CRB1: variants seen among roughly 807,000 people sequenced by gnomAD.
CRB1 encodes the protein crumbs cell polarity complex component 1, also known as protein crumbs homolog 1.
CRB1 carries 83 observed loss-of-function variants against 120.0 expected under a neutral mutation model. The observed-to-expected ratio is 0.69, with a 90% confidence interval of 0.58 to 0.83. The LOEUF (loss-of-function observed/expected upper bound fraction) is 0.83, where lower values mean the gene tolerates loss of function less well. CRB1 is among the 40% of genes least tolerant of loss of function. The pLI is 0.00. For missense variants in CRB1, 1,699 were observed against 1,687.6 expected (o/e 1.01, Z -0.12); for synonymous variants, 625 against 612.5 (o/e 1.02, Z -0.30).
chr1:197,395,398 C>G (rs965231313), intron 5 of CRB1, among the ~76,000 whole-genome samples: 5 of 152,180 alleles, frequency 3.3e-5, no homozygotes, highest in African/African-American at 1.2e-4. Context: ...AGAAATGTTC[C>G]CACCTTAGGT....
At chr1:197,327,540 C>A (rs1222886654) in intron 1 of CRB1, among the ~76,000 whole-genome samples, 2 of 151,914 alleles carry the variant, frequency 1.3e-5, no homozygotes, top group East Asian at 1.9e-4. Flanking sequence ...CAGATGCATA[C>A]ACACACACAC....
chr1:197,348,295 T>G (rs1044338024), intron 4 of CRB1, among the ~76,000 whole-genome samples: 1 of 152,170 alleles, frequency 6.6e-6, no homozygotes, highest in Non-Finnish European at 1.5e-5. Flanking sequence ...ATGTGTGTTA[T>G]TGTTGCTGAA....
chr1:197,441,292 G>C (rs1236398903), intron 10 of CRB1: 1 of 152,182 alleles, frequency 6.6e-6, no homozygotes, highest in Non-Finnish European at 1.5e-5. Flanking sequence ...TTGTCACATA[G>C]TATGTGTTAA....
intron 1 of CRB1, among the ~76,000 whole-genome samples, chr1:197,304,923 G>A (rs1192055642): frequency 6.6e-6 from 1 of 152,174 alleles, no homozygotes; most frequent in Non-Finnish European, 1.5e-5. Context: ...TTGGATCATA[G>A]CTATGACCTT....
At chr1:197,442,336 A>G (rs41313928) in intron 11 of CRB1, 44 bp downstream of exon 11, 739 of 1,613,808 alleles carry the variant, frequency 4.6e-4, no homozygotes, top group Non-Finnish European at 6.0e-4. Context: ...TTCTGGCAGA[A>G]TCTTTTTCAG....
intron 5 of CRB1, chr1:197,358,079 A>G (rs1332493152): frequency 6.6e-6 from 1 of 152,188 alleles, no homozygotes. Context: ...GTAATATATA[A>G]TATTTCCCAA....
In CRB1 at chr1:197,273,452, C is replaced by T. The variant is rs922448797; in HGVS notation, c.70+4970C>T. ...GTTATGTCTTTTATTCTTCTCCATA[C>T]TGTACTCTTAGAAAAGGAAGTCACT... On this transcript the variant is annotated intron_variant, in intron 1 of 11. Coordinates refer to ENST00000367400, the MANE Select transcript of CRB1 (RefSeq NM_201253.3). Among the ~76,000 whole-genome samples, 4 of 152,070 alleles carry T rather than the reference C, an allele frequency of 2.6e-5. No individual in the cohort carries two copies. The South Asian group carries it at 6.2e-4, about 24-fold the overall frequency.
chr1:197,429,216 G>C (rs1664751467), intron 7 of CRB1: 2 of 1,483,934 alleles, frequency 1.3e-6, no homozygotes, highest in Admixed American at 2.2e-5. Flanking sequence ...TTGTGCTATG[G>C]ATCAATTTTA....
chr1:197,358,235 A>C (rs1037776439), intron 5 of CRB1: 2 of 152,184 alleles, frequency 1.3e-5, no homozygotes, highest in African/African-American at 4.8e-5. Flanking sequence ...ATTTGTTTCT[A>C]AATTATTTGA....
At chr1:197,376,718 C>A (rs1661666588) in intron 5 of CRB1, among the ~76,000 whole-genome samples, 1 of 152,164 alleles carries the variant, frequency 6.6e-6, no homozygotes, top group Non-Finnish European at 1.5e-5. Context: ...CCATTCTTGA[C>A]TTTCTAAATC....
chr1:197,374,444 GC>G (rs935008911), intron 5 of CRB1, among the ~76,000 whole-genome samples: 3 of 151,712 alleles, frequency 2.0e-5, no homozygotes, highest in Admixed American at 6.6e-5. Context: ...CTTTTTTCTT[GC>G]CCCCCCTGCA....
intron 1 of CRB1, among the ~76,000 whole-genome samples, chr1:197,294,274 A>G (rs1414468079): frequency 6.6e-6 from 1 of 152,232 alleles, no homozygotes; most frequent in African/African-American, 2.4e-5. Flanking sequence ...GACAGTTCTC[A>G]AAAGAAGACA....
intron 11 of CRB1, among the ~76,000 whole-genome samples, chr1:197,460,183 C>G (rs981295999): frequency 6.6e-6 from 1 of 151,778 alleles, no homozygotes; most frequent in Admixed American, 6.6e-5. Flanking sequence ...AAAAATTGAG[C>G]AAATTCCCTG....
chr1:197,222,609 G>C, the CRB1 span: 2 of 772,596 alleles, frequency 2.6e-6, no homozygotes, highest in Non-Finnish European at 4.8e-6. Flanking sequence ...TGAGGAAAGA[G>C]TGTATTTGGT....
the CRB1 span, among the ~76,000 whole-genome samples, chr1:197,220,808 C>G: frequency 6.6e-6 from 1 of 152,108 alleles, no homozygotes; most frequent in Non-Finnish European, 1.5e-5. Flanking sequence ...CACCTTCCCC[C>G]ACCTCTTTTC....
intron 1 of CRB1, among the ~76,000 whole-genome samples, chr1:197,309,794 A>T (rs911990673): frequency 2.0e-5 from 3 of 149,444 alleles, no homozygotes; most frequent in Non-Finnish European, 4.4e-5. Context: ...ATAAATAAAT[A>T]AATTTACTTA....
chr1:197,449,284 C>T (rs2125526092), intron 11 of CRB1, among the ~76,000 whole-genome samples: 2 of 152,224 alleles, frequency 1.3e-5, no homozygotes, highest in Middle Eastern at 6.8e-3. Context: ...TTTTGGATTG[C>T]ATCCTGGTCA....
intron 1 of CRB1, among the ~76,000 whole-genome samples, chr1:197,298,809 A>G (rs1194084399): frequency 6.6e-6 from 1 of 152,064 alleles, no homozygotes; most frequent in Non-Finnish European, 1.5e-5. Context: ...TTTTTTGCCC[A>G]ATTATTTATT....
At chr1:197,375,629 G>A (rs901890089) in intron 5 of CRB1, among the ~76,000 whole-genome samples, 3 of 152,068 alleles carry the variant, frequency 2.0e-5, no homozygotes, top group Non-Finnish European at 4.4e-5. Context: ...CCCAATTCCT[G>A]CCTATGTTTG....
Sources: gnomAD v4.1 joint callset for allele counts (sites outside exome capture counted in the v4.1 genomes callset) on GRCh38, gnomAD v4.1.1 for gene constraint, MANE v1.5 for transcripts, NCBI Gene and HGNC (gene_info 2026-07-23, HGNC 2026-07-21) for gene names.